The following POLN variants were observed in gnomAD, a reference collection of about 807,000 sequenced individuals.
POLN encodes DNA polymerase nu.
Under a neutral mutation model 113.5 loss-of-function variants are expected in POLN, and 108 were observed. That is an observed-to-expected ratio of 0.95 (90% CI 0.81 to 1.12). POLN has a LOEUF of 1.12. Among genes scored for constraint, POLN ranks in the 50% most tolerant of loss-of-function variants. The pLI is 0.00. For missense variants in POLN, 1,097 were observed against 1,077.1 expected (o/e 1.02, Z -0.26); for synonymous variants, 386 against 391.5 (o/e 0.99, Z 0.17).
At chr4:2,142,197 CT>C (rs2108731936) in intron 16 of POLN, among the ~76,000 whole-genome samples, 1 of 152,298 alleles carries the variant, frequency 6.6e-6, no homozygotes, top group Non-Finnish European at 1.5e-5. Flanking sequence ...CATGCCGATA[CT>C]TTTCTTGTTT....
intron 7 of POLN, among the ~76,000 whole-genome samples, chr4:2,186,985 T>C (rs1458987376): frequency 6.6e-6 from 1 of 152,076 alleles, no homozygotes; most frequent in East Asian, 1.9e-4. Flanking sequence ...AAAAATTCAA[T>C]AGAGGCTCTC....
intron 3 of POLN, among the ~76,000 whole-genome samples, chr4:2,223,697 T>C (rs1734318409): frequency 6.6e-6 from 1 of 152,238 alleles, no homozygotes. Flanking sequence ...CTGTACAGCA[T>C]GTTACTGCAC....
intron 19 of POLN, among the ~76,000 whole-genome samples, chr4:2,104,578 C>T (rs1731001973): frequency 6.6e-6 from 1 of 152,166 alleles, no homozygotes; most frequent in African/African-American, 2.4e-5. Context: ...TTTACCCAAA[C>T]CTCCCCCAGT....
chr4:2,227,953 AC>A (rs1286750671), intron 3 of POLN: 2 of 152,266 alleles, frequency 1.3e-5, no homozygotes, highest in African/African-American at 4.8e-5. Flanking sequence ...CATGTAATTC[AC>A]ACTCAAAAAT....
chr4:2,120,572 C>T (rs1184784344), intron 19 of POLN, among the ~76,000 whole-genome samples: 1 of 152,046 alleles, frequency 6.6e-6, no homozygotes, highest in Non-Finnish European at 1.5e-5. Context: ...CAGATCACTG[C>T]AACCTCCATC....
chr4:2,226,448 T>C (rs978626181), intron 3 of POLN, among the ~76,000 whole-genome samples: 1 of 152,234 alleles, frequency 6.6e-6, no homozygotes, highest in Non-Finnish European at 1.5e-5. Context: ...TAATTAATGG[T>C]TACATTTCAG....
At chr4:2,134,945 ACTC>A (rs750425572) in intron 16 of POLN, among the ~76,000 whole-genome samples, 4 of 151,872 alleles carry the variant, frequency 2.6e-5, no homozygotes, top group Non-Finnish European at 4.4e-5. Context: ...CTTCGACTAA[ACTC>A]CTTCCTTCTG....
At chr4:2,212,541 ATT>A (rs541104175) in intron 4 of POLN, among the ~76,000 whole-genome samples, 50 of 144,126 alleles carry the variant, frequency 3.5e-4, no homozygotes, top group African/African-American at 1.2e-3. Context: ...TGCCCAGTTA[ATT>A]TTTTTTTTTT....
chr4:2,114,747 G>C (rs1373861552), intron 19 of POLN, among the ~76,000 whole-genome samples: 2 of 152,092 alleles, frequency 1.3e-5, no homozygotes. Flanking sequence ...TTGGGATTTG[G>C]TGAGATTTTT....
intron 20 of POLN, among the ~76,000 whole-genome samples, chr4:2,091,456 G>C (rs1357447207): frequency 6.6e-6 from 1 of 151,994 alleles, no homozygotes; most frequent in Non-Finnish European, 1.5e-5. Context: ...CTGGATCTTT[G>C]CTCCTCACTC....
chr4:2,123,751 GC>G (rs200403157), intron 19 of POLN, among the ~76,000 whole-genome samples: 2,031 of 151,880 alleles, frequency 0.013, 56 homozygotes, highest in African/African-American at 0.047. Flanking sequence ...GTTGCAGTGA[GC>G]CAAGATCGTG....
chr4:2,176,373 C>G (rs1331945592), intron 8 of POLN, 39 bp from the exon 9 acceptor site: 1 of 1,505,974 alleles, frequency 6.6e-7, no homozygotes, highest in Non-Finnish European at 9.1e-7. Context: ...ATCAGATAAA[C>G]TTGGTGGCAG....
intron 20 of POLN, among the ~76,000 whole-genome samples, chr4:2,095,091 A>T (rs1730752533): frequency 6.6e-6 from 1 of 152,040 alleles, no homozygotes; most frequent in Admixed American, 6.5e-5. Context: ...AGAATTAAAA[A>T]ATCCCAGACA....
chr4:2,123,757 A>AT, intron 19 of POLN, among the ~76,000 whole-genome samples: 1 of 152,012 alleles, frequency 6.6e-6, no homozygotes, highest in East Asian at 1.9e-4. Context: ...GTGAGCCAAG[A>AT]TCGTGCCTCT....
intron 20 of POLN, chr4:2,088,634 C>A: frequency 1.5e-6 from 1 of 654,902 alleles, no homozygotes; most frequent in Non-Finnish European, 2.2e-6. Context: ...ATTTGAATCC[C>A]ATAATATAAA....
At chr4:2,167,167 G>A (rs1732749929) in intron 13 of POLN, among the ~76,000 whole-genome samples, 1 of 152,134 alleles carries the variant, frequency 6.6e-6, no homozygotes, top group Non-Finnish European at 1.5e-5. Flanking sequence ...CCAGCAGTGG[G>A]TCAGTGCACA....
At chr4:2,235,380 G>A (rs1295440418) in intron 2 of POLN, among the ~76,000 whole-genome samples, 1 of 152,194 alleles carries the variant, frequency 6.6e-6, no homozygotes, top group African/African-American at 2.4e-5. Flanking sequence ...GAAATAACAA[G>A]TGTTGGCAAA....
chr4:2,201,730 T>G (rs548106448), intron 5 of POLN, among the ~76,000 whole-genome samples: 1 of 152,136 alleles, frequency 6.6e-6, no homozygotes, highest in African/African-American at 2.4e-5. Flanking sequence ...AAAAAGATCA[T>G]TGACTAGGCA....
In POLN at chr4:2,208,328, C is replaced by G. The variant is rs1733908222; in HGVS notation, c.373G>C (p.Glu125Gln). The change falls in exon 5 of 26, where the codon GAG (glutamate) becomes CAG (glutamine). Residue 125 changes from glutamate to glutamine, a missense_variant. Glu to Gln is a conservative substitution (Grantham distance 29). Coordinates refer to ENST00000511885, the MANE Select transcript of POLN (RefSeq NM_181808.4). ...SSCLIPQYNQEASVLQKKGHK... is the reference protein window; with the variant it reads ...SSCLIPQYNQQASVLQKKGHK... ...CCCTTTTTCTGTAGAACTGAAGCCTCTTGATTATACTGTGGAATTAAACAA... is the reference window on the plus strand; with the variant it reads ...CCCTTTTTCTGTAGAACTGAAGCCTGTTGATTATACTGTGGAATTAAACAA... The G allele has an allele frequency of 6.2e-7, 1 of 1,611,124 alleles. No homozygotes were observed. Among genetic ancestry groups the G allele is most frequent in the Non-Finnish European group, 8.5e-7 (1 of 1,179,122 alleles).
Sources: gnomAD v4.1 joint callset for allele counts (sites outside exome capture counted in the v4.1 genomes callset) on GRCh38, gnomAD v4.1.1 for gene constraint, MANE v1.5 for transcripts, NCBI Gene and HGNC (gene_info 2026-07-23, HGNC 2026-07-21) for gene names.